Variants in RAB27B observed in about 807,000 individuals in gnomAD.
The protein encoded by RAB27B is ras-related protein Rab-27B.
RAB27B carries 15 observed loss-of-function variants against 24.6 expected under a neutral mutation model. That is an observed-to-expected ratio of 0.61 (90% CI 0.41 to 0.94). The LOEUF is 0.94. RAB27B is among the 40% of genes least tolerant of loss of function. RAB27B has a pLI of 0.00. For missense variants in RAB27B, 261 were observed against 266.8 expected (o/e 0.98, Z 0.15); for synonymous variants, 105 against 92.5 (o/e 1.14, Z -0.78).
chr18:54,796,400 G>T (rs1833278), intron 2 of RAB27B, among the ~76,000 whole-genome samples: 142,230 of 152,046 alleles, frequency 0.94, 67,278 homozygotes, highest in East Asian at 1. Context: ...TATCCTGAGT[G>T]TTTGCCCAGT....
intron 2 of RAB27B, among the ~76,000 whole-genome samples, chr18:54,803,619 A>G (rs1909678156): frequency 6.6e-6 from 1 of 152,160 alleles, no homozygotes; most frequent in Non-Finnish European, 1.5e-5. Context: ...GCAAGAGATG[A>G]TGGATGATGA....
At chr18:54,784,511 A>C (rs560443876) in intron 2 of RAB27B, among the ~76,000 whole-genome samples, 1 of 152,216 alleles carries the variant, frequency 6.6e-6, no homozygotes, top group South Asian at 2.1e-4. Flanking sequence ...GTCCAGGAGT[A>C]CTCAAGTGCA....
intron 2 of RAB27B, among the ~76,000 whole-genome samples, chr18:54,773,647 G>A (rs1313440237): frequency 6.6e-6 from 1 of 151,876 alleles, no homozygotes; most frequent in Non-Finnish European, 1.5e-5. Context: ...AGGACAGAGA[G>A]ACATAAAGCA....
At chr18:54,762,179 A>C (rs112751890) in intron 2 of RAB27B, among the ~76,000 whole-genome samples, 2,399 of 152,154 alleles carry the variant, frequency 0.016, 59 homozygotes, top group African/African-American at 0.054. Flanking sequence ...ACTTCCGATA[A>C]TTCTGTAGTT....
upstream of RAB27B, among the ~76,000 whole-genome samples, chr18:54,826,293 T>C (rs991047377): frequency 1.3e-5 from 2 of 152,222 alleles, no homozygotes; most frequent in African/African-American, 4.8e-5. Context: ...TTACTATTAT[T>C]ATCATGACAC....
chr18:54,760,162 A>T (rs1286071666), intron 2 of RAB27B, among the ~76,000 whole-genome samples: 1 of 152,152 alleles, frequency 6.6e-6, no homozygotes, highest in African/African-American at 2.4e-5. Flanking sequence ...CCTGCCGGTG[A>T]CCAGAAGCAC....
Position 54,890,068 on chromosome 18 carries a change from A to G in RAB27B, c.*655A>G, listed in dbSNP as rs1730570498. The G allele has an allele frequency of 6.6e-6, 1 of 152,156 alleles. No individual in the cohort carries two copies. The highest frequency in any genetic ancestry group is 2.1e-4 in the South Asian group (1 of 4,832). The allele number at this position is 152,156 out of a possible 1,614,324, so 9.4% of individuals were successfully genotyped here. On this transcript the variant is annotated 3_prime_UTR_variant, in exon 6 of 6. Coordinates refer to ENST00000262094, the MANE Select transcript of RAB27B (RefSeq NM_004163.4). ...TCTTAATAAATAGCACTTTGACAAGAACAGGACTGTAAATGATGAAGTACA... is the reference window on the plus strand; with the variant it reads ...TCTTAATAAATAGCACTTTGACAAGGACAGGACTGTAAATGATGAAGTACA...
intron 3 of RAB27B, chr18:54,880,158 T>A (rs1242120542): frequency 6.6e-6 from 1 of 152,274 alleles, no homozygotes; most frequent in Non-Finnish European, 1.5e-5. Flanking sequence ...CTGATTCACT[T>A]GGGGCCTTCT....
intron 1 of RAB27B, among the ~76,000 whole-genome samples, chr18:54,842,019 A>G (rs1911139284): frequency 6.6e-6 from 1 of 152,228 alleles, no homozygotes; most frequent in Non-Finnish European, 1.5e-5. Flanking sequence ...TATTTGCCAC[A>G]TGAACATGTG....
At chr18:54,800,538 T>C (rs982532229) in intron 2 of RAB27B, among the ~76,000 whole-genome samples, 2 of 152,234 alleles carry the variant, frequency 1.3e-5, no homozygotes, top group Non-Finnish European at 2.9e-5. Flanking sequence ...ATTGACTTCA[T>C]TGTCATTACA....
intron 2 of RAB27B, among the ~76,000 whole-genome samples, chr18:54,728,900 ACC>A (rs1568044201): frequency 1.9e-4 from 12 of 63,994 alleles, no homozygotes; most frequent in East Asian, 1.4e-3. Flanking sequence ...AAAAAAAAAA[ACC>A]CAAAAAAAAA....
At chr18:54,814,819 GT>G (rs1474261581) in intron 2 of RAB27B, among the ~76,000 whole-genome samples, 1 of 152,148 alleles carries the variant, frequency 6.6e-6, no homozygotes, top group Non-Finnish European at 1.5e-5. Flanking sequence ...ACTACAAATA[GT>G]TTTTATTGTA....
intron 3 of RAB27B, among the ~76,000 whole-genome samples, chr18:54,884,098 TG>T (rs2037730372): frequency 6.6e-6 from 1 of 152,018 alleles, no homozygotes; most frequent in South Asian, 2.1e-4. Flanking sequence ...ACAAACTGTG[TG>T]TATAAAGTGC....
At chr18:54,851,748 C>T (rs146912680) in intron 1 of RAB27B, among the ~76,000 whole-genome samples, 1 of 152,046 alleles carries the variant, frequency 6.6e-6, no homozygotes, top group Admixed American at 6.6e-5. Context: ...AAGCTACACA[C>T]TCCAAACCAA....
rs961118044 is a variant in RAB27B at position 54,831,475 on chromosome 18, A to G, written c.-20+2775A>G. The stretch of plus-strand genomic sequence containing the variant: ...ATTCCAAGTAAAATGACAAAACACT[A>G]TGATTTAGATATAGCCCGTTGAACA... On this transcript the variant is annotated intron_variant, in intron 1 of 5. Coordinates refer to ENST00000262094, the MANE Select transcript of RAB27B (RefSeq NM_004163.4). 4.6e-5 allele frequency among the ~76,000 whole-genome samples: 7 copies of G among 152,270 alleles called. No individual in the cohort carries two copies. The South Asian group carries it at 6.2e-4, about 14-fold the overall frequency.
chr18:54,786,110 T>C (rs774552484), intron 2 of RAB27B, among the ~76,000 whole-genome samples: 1 of 150,166 alleles, frequency 6.7e-6, no homozygotes, highest in East Asian at 1.9e-4. Context: ...CTCTATTTCA[T>C]CTTTTTTTTG....
chr18:54,735,653 C>T (rs566375211), intron 2 of RAB27B, among the ~76,000 whole-genome samples: 1 of 152,272 alleles, frequency 6.6e-6, no homozygotes, highest in East Asian at 1.9e-4. Flanking sequence ...GCTGGGATTA[C>T]AGGCACCTGC....
intron 2 of RAB27B, among the ~76,000 whole-genome samples, chr18:54,733,650 G>GCTC (rs777476661): frequency 1.1e-5 from 1 of 92,240 alleles, no homozygotes; most frequent in Non-Finnish European, 2.3e-5. Flanking sequence ...CTGTTCTAGA[G>GCTC]CCCCCCCCCC....
intron 1 of RAB27B, among the ~76,000 whole-genome samples, chr18:54,831,996 G>A (rs772246113): frequency 6.6e-6 from 1 of 152,104 alleles, no homozygotes; most frequent in East Asian, 1.9e-4. Context: ...GGATAATCTC[G>A]ATCTGCTGAC....
Sources: gnomAD v4.1 joint callset for allele counts (sites outside exome capture counted in the v4.1 genomes callset) on GRCh38, gnomAD v4.1.1 for gene constraint, MANE v1.5 for transcripts, NCBI Gene and HGNC (gene_info 2026-07-23, HGNC 2026-07-21) for gene names.